Variants in KCNIP4 observed in about 807,000 individuals in gnomAD.
KCNIP4 encodes Kv channel-interacting protein 4.
Under a neutral mutation model 34.0 loss-of-function variants are expected in KCNIP4, and 12 were observed. The observed-to-expected ratio is 0.35, with a 90% CI of 0.23 to 0.57. The LOEUF (loss-of-function observed/expected upper bound fraction) is 0.57. KCNIP4 is among the 20% of genes least tolerant of loss of function. KCNIP4 has a pLI of 0.83. For synonymous variants in KCNIP4, 124 were observed against 102.2 expected, an observed-to-expected ratio of 1.21 and a Z score of -1.29; for missense variants, 238 against 311.7, an observed-to-expected ratio of 0.76 and a Z score of 1.78.
rs116105402 is a variant in KCNIP4 at position 21,547,283 on chromosome 4, A to C, written c.61+401288T>G. The stretch of plus-strand genomic sequence containing the variant: ...ACAGTTTGTTACACAGCATTGATGC[A>C]GCCATAGCTGACTAATACAACAAAG... On this transcript the variant is annotated intron_variant, in intron 1 of 8. Coordinates refer to ENST00000382152, the MANE Select transcript of KCNIP4 (RefSeq NM_025221.6). 3.7e-3 allele frequency among the ~76,000 whole-genome samples: 562 copies of C among 152,240 alleles called. 5 individuals carry two copies. Among genetic ancestry groups the C allele is most frequent in the African/African-American group, 0.013 (542 of 41,526 alleles).
intron 1 of KCNIP4, among the ~76,000 whole-genome samples, chr4:20,917,518 A>G (rs1381754620): frequency 6.6e-6 from 1 of 152,216 alleles, no homozygotes; most frequent in Non-Finnish European, 1.5e-5. Context: ...TGGCCTAGCA[A>G]AAGTGGGTAC....
chr4:21,173,410 C>T (rs1210523322), intron 1 of KCNIP4, among the ~76,000 whole-genome samples: 5 of 152,090 alleles, frequency 3.3e-5, no homozygotes, highest in African/African-American at 9.7e-5. Flanking sequence ...TGTCTCCCCA[C>T]ACAAAGAAAT....
At chr4:21,465,366 C>T (rs1020047023) in intron 1 of KCNIP4, among the ~76,000 whole-genome samples, 1 of 152,098 alleles carries the variant, frequency 6.6e-6, no homozygotes, top group African/African-American at 2.4e-5. Context: ...ATTATGAATG[C>T]TTTCTGTCCA....
At chr4:21,221,634 G>A (rs918640827) in intron 1 of KCNIP4, among the ~76,000 whole-genome samples, 4 of 152,108 alleles carry the variant, frequency 2.6e-5, no homozygotes, top group African/African-American at 9.7e-5. Context: ...AGATTATAGG[G>A]ATTGCAATTC....
At chr4:21,287,163 A>G (rs1166589563) in intron 1 of KCNIP4, among the ~76,000 whole-genome samples, 1 of 152,202 alleles carries the variant, frequency 6.6e-6, no homozygotes, top group African/African-American at 2.4e-5. Flanking sequence ...GTAGTGCTAT[A>G]CTAGAGAAGA....
chr4:21,872,967 T>C (rs1006858938), intron 1 of KCNIP4, among the ~76,000 whole-genome samples: 7 of 152,198 alleles, frequency 4.6e-5, no homozygotes, highest in African/African-American at 1.7e-4. Context: ...AACCTAATCA[T>C]TCATGATTTC....
intron 1 of KCNIP4, among the ~76,000 whole-genome samples, chr4:21,579,116 G>A (rs888121477): frequency 1.3e-5 from 2 of 152,022 alleles, no homozygotes; most frequent in Admixed American, 6.6e-5. Context: ...TCTTTTATGC[G>A]GTGAAAACCA....
chr4:21,312,520 T>A (rs1038932369), intron 1 of KCNIP4, among the ~76,000 whole-genome samples: 1 of 152,316 alleles, frequency 6.6e-6, no homozygotes, highest in African/African-American at 2.4e-5. Context: ...TCTTCAAAAC[T>A]AGCTGAGAGT....
At chr4:21,794,404 A>G (rs973230894) in intron 1 of KCNIP4, among the ~76,000 whole-genome samples, 4 of 152,328 alleles carry the variant, frequency 2.6e-5, no homozygotes, top group South Asian at 2.1e-4. Flanking sequence ...TACATTTTCA[A>G]TCAATTGTTT....
At chr4:21,192,563 G>A (rs1346981971) in intron 1 of KCNIP4, among the ~76,000 whole-genome samples, 1 of 151,970 alleles carries the variant, frequency 6.6e-6, no homozygotes, top group African/African-American at 2.4e-5. Context: ...TTATTCAGCC[G>A]TATAATGTCA....
chr4:21,082,967 T>G (rs1746132007), intron 1 of KCNIP4, among the ~76,000 whole-genome samples: 2 of 151,806 alleles, frequency 1.3e-5, no homozygotes, highest in Non-Finnish European at 2.9e-5. Context: ...AAAGTAACTC[T>G]GTATTTTAGG....
intron 1 of KCNIP4, among the ~76,000 whole-genome samples, chr4:21,476,146 G>T (rs370717638): frequency 6.6e-6 from 1 of 152,090 alleles, no homozygotes; most frequent in Non-Finnish European, 1.5e-5. Flanking sequence ...TTTTATCTTC[G>T]CTCAAGAGTC....
intron 1 of KCNIP4, among the ~76,000 whole-genome samples, chr4:21,793,118 C>T (rs1720401601): frequency 6.6e-6 from 1 of 152,140 alleles, no homozygotes; most frequent in South Asian, 2.1e-4. Flanking sequence ...AAACCAAAGC[C>T]TAAAATGAGT....
intron 1 of KCNIP4, among the ~76,000 whole-genome samples, chr4:21,490,299 G>T (rs1732280763): frequency 6.6e-6 from 1 of 152,072 alleles, no homozygotes; most frequent in Non-Finnish European, 1.5e-5. Flanking sequence ...AGACATACCT[G>T]AATAGAAGCA....
At position 21,750,904 on chromosome 4, in the gene KCNIP4, A is replaced by G. The variant is rs547603078; in HGVS notation, c.61+197667T>C. The stretch of plus-strand genomic sequence containing the variant: ...CTCCATTAGGCAACATAAAAGCCCT[A>G]CAGTTAAGTGGGTTTGCCGCACCTC... On this transcript the variant is annotated intron_variant, in intron 1 of 8. Coordinates refer to ENST00000382152, the MANE Select transcript of KCNIP4 (RefSeq NM_025221.6). 5.9e-5 allele frequency among the ~76,000 whole-genome samples: 9 copies of G among 152,276 alleles called. No individual in the cohort carries two copies. The South Asian group carries it at 1.9e-3, about 32-fold the overall frequency.
chr4:21,393,070 A>C (rs938508954), intron 1 of KCNIP4, among the ~76,000 whole-genome samples: 1 of 152,180 alleles, frequency 6.6e-6, no homozygotes, highest in African/African-American at 2.4e-5. Context: ...TGTTGTGATG[A>C]TGTATCACTG....
rs1350969290 is a variant in KCNIP4, at chr4:20,748,600, ATATATTC to A, written c.429+1055_429+1061del. ...TATATATATATATATATATATATAT[ATATATTC>A]CATAAGTAAATATAAATGTATATAT... On this transcript the variant is annotated intron_variant, in intron 5 of 8. Coordinates refer to ENST00000382152, the MANE Select transcript of KCNIP4 (RefSeq NM_025221.6). Among the ~76,000 whole-genome samples the A allele has an allele frequency of 2.7e-3, 291 of 108,664 alleles. 4 individuals carry two copies. The South Asian group carries it at 0.034, about 13-fold the overall frequency. The allele number at this position is 108,664 out of a possible 152,430, so 71.3% of individuals were successfully genotyped here.
intron 1 of KCNIP4, among the ~76,000 whole-genome samples, chr4:21,233,946 CATATAACAT>C (rs1759000243): frequency 7.9e-6 from 1 of 125,910 alleles, no homozygotes. Flanking sequence ...ATAAATATTA[CATATAACAT>C]ATATAACATA....
chr4:21,287,109 T>C (rs2109190977), intron 1 of KCNIP4, among the ~76,000 whole-genome samples: 1 of 152,196 alleles, frequency 6.6e-6, no homozygotes, highest in Non-Finnish European at 1.5e-5. Flanking sequence ...ATTGCCTGAC[T>C]TTGAAATTCT....
Sources: allele counts gnomAD v4.1 joint callset (sites outside exome capture counted in the v4.1 genomes callset), GRCh38; gene constraint gnomAD v4.1.1; transcripts MANE v1.5; gene names NCBI Gene and HGNC (gene_info 2026-07-23, HGNC 2026-07-21).